Variants in GNAL observed in about 807,000 individuals in gnomAD.
GNAL encodes the protein guanine nucleotide-binding protein G(olf) subunit alpha.
A neutral mutation model predicts 55.1 loss-of-function variants in GNAL; 18 were observed. The observed-to-expected ratio is 0.33, with a 90% confidence interval of 0.23 to 0.48. The LOEUF (loss-of-function observed/expected upper bound fraction) is 0.48, where lower values mean the gene tolerates loss of function less well. Ranked by LOEUF, GNAL falls within the 20% of genes least tolerant of loss-of-function variation. The pLI, the probability that GNAL is intolerant of heterozygous loss-of-function variation, is 0.99. For missense variants in GNAL, 412 were observed against 614.1 expected (o/e 0.67, Z 3.48); for synonymous variants, 253 against 237.0 (o/e 1.07, Z -0.62).
intron 7 of GNAL, among the ~76,000 whole-genome samples, chr18:11,865,356 C>T (rs902474955): frequency 2.0e-5 from 3 of 149,570 alleles, no homozygotes; most frequent in Admixed American, 1.3e-4. Context: ...TGTCAGGACC[C>T]TTCCAGTTCT....
chr18:11,798,591 T>C lies in GNAL; in HGVS notation c.625-26327T>C, dbSNP rs182610391. On this transcript the variant is annotated intron_variant, in intron 4 of 11. Transcript: ENST00000334049. ...TTAAAAAAAGCAAATGCTGAGCCAG[T>C]TCCTCAAATATGTATGAATTATGTT... Among the ~76,000 whole-genome samples, 90 of 152,330 alleles carry C rather than the reference T, an allele frequency of 5.9e-4. 2 individuals carry two copies. In the East Asian group the frequency reaches 0.012, roughly 21 times the overall value.
intron 10 of GNAL, among the ~76,000 whole-genome samples, chr18:11,874,911 G>A (rs74613387): frequency 0.043 from 6,546 of 151,014 alleles, 462 homozygotes; most frequent in African/African-American, 0.15. Flanking sequence ...GAATCTGTGA[G>A]TAAGTGTCCT....
intron 4 of GNAL, among the ~76,000 whole-genome samples, chr18:11,779,140 G>C (rs1007131554): frequency 6.6e-6 from 1 of 152,298 alleles, no homozygotes; most frequent in East Asian, 1.9e-4. Context: ...CATTCATAGA[G>C]TGGAGAAAAA....
At chr18:11,762,523 G>A (rs779647577) in intron 4 of GNAL, among the ~76,000 whole-genome samples, 7 of 152,216 alleles carry the variant, frequency 4.6e-5, no homozygotes, top group African/African-American at 1.7e-4. Context: ...CACCCATGCA[G>A]CTGGCGTCAC....
At chr18:11,787,838 C>T (rs955816906) in intron 4 of GNAL, among the ~76,000 whole-genome samples, 1 of 149,508 alleles carries the variant, frequency 6.7e-6, no homozygotes, top group African/African-American at 2.5e-5. Context: ...TGCACCACTG[C>T]ACTCCAGCCT....
At chr18:11,831,169 A>T (rs764258257) in intron 5 of GNAL, among the ~76,000 whole-genome samples, 10 of 146,192 alleles carry the variant, frequency 6.8e-5, no homozygotes, top group Admixed American at 1.3e-4. Context: ...ATCTTGATTT[A>T]AAAAAAAAAT....
At chr18:11,862,807 A>G (rs1267930061) in intron 6 of GNAL, among the ~76,000 whole-genome samples, 1 of 151,622 alleles carries the variant, frequency 6.6e-6, no homozygotes, top group Non-Finnish European at 1.5e-5. Flanking sequence ...GGGGGGTCCC[A>G]TATCACAGTG....
intron 1 of GNAL, among the ~76,000 whole-genome samples, chr18:11,740,742 G>A (rs968620887): frequency 6.6e-6 from 1 of 152,140 alleles, no homozygotes; most frequent in African/African-American, 2.4e-5. Flanking sequence ...TCGGATTCGT[G>A]TGCAATGAGG....
At chr18:11,833,915 C>G (rs1013051974) in intron 5 of GNAL, among the ~76,000 whole-genome samples, 2 of 152,160 alleles carry the variant, frequency 1.3e-5, no homozygotes, top group African/African-American at 4.8e-5. Context: ...GGTGAGGAGC[C>G]GGAGCCCTTG....
chr18:11,712,712 C>T (rs778400220), intron 1 of GNAL, among the ~76,000 whole-genome samples: 6 of 152,186 alleles, frequency 3.9e-5, no homozygotes, highest in Non-Finnish European at 7.3e-5. Flanking sequence ...CTAGCAAGCA[C>T]GGATTCTTAG....
At chr18:11,824,265 G>T (rs1336139775) in intron 4 of GNAL, among the ~76,000 whole-genome samples, 1 of 17,426 alleles carries the variant, frequency 5.7e-5, no homozygotes, top group Non-Finnish European at 3.0e-4. Context: ...GCTGAGATGG[G>T]GGGGGGGTTC....
chr18:11,792,922 G>C (rs752833196), intron 4 of GNAL, among the ~76,000 whole-genome samples: 5 of 152,168 alleles, frequency 3.3e-5, no homozygotes, highest in African/African-American at 4.8e-5. Context: ...TTATTGAATA[G>C]TGTCATTTTC....
At chr18:11,773,793 T>C (rs915269619) in intron 4 of GNAL, among the ~76,000 whole-genome samples, 2 of 152,142 alleles carry the variant, frequency 1.3e-5, no homozygotes, top group South Asian at 2.1e-4. Context: ...AAAAGAAAAA[T>C]CTCACAATAG....
intron 5 of GNAL, among the ~76,000 whole-genome samples, chr18:11,827,607 G>A (rs545387832): frequency 1.3e-5 from 2 of 149,996 alleles, no homozygotes; most frequent in African/African-American, 2.4e-5. Context: ...AGCAAGGCTC[G>A]TCTCAAAAAA....
chr18:11,732,547 C>G (rs572327421), intron 1 of GNAL, among the ~76,000 whole-genome samples: 1 of 152,296 alleles, frequency 6.6e-6, no homozygotes, highest in South Asian at 2.1e-4. Context: ...TGTTCTCAAG[C>G]ACACGTAACT....
intron 1 of GNAL, among the ~76,000 whole-genome samples, chr18:11,746,493 C>T (rs968388619): frequency 1.3e-5 from 2 of 152,066 alleles, no homozygotes; most frequent in Non-Finnish European, 2.9e-5. Flanking sequence ...GCCTGTAGTC[C>T]CAGCTACTTG....
At chr18:11,690,004 G>T (rs890284082) in intron 1 of GNAL, 65 bp downstream of exon 1, 2 of 987,094 alleles carry the variant, frequency 2.0e-6, no homozygotes, top group Non-Finnish European at 2.6e-6. Flanking sequence ...CGGGGGCGGC[G>T]GGCACCGGGG....
chr18:11,689,670 C>CT lies in GNAL; in HGVS notation c.107_108insT (p.Ala37GlyfsTer93). The CT allele has an allele frequency of 1.4e-6, 2 of 1,441,180 alleles. No individual in the cohort carries two copies. Among genetic ancestry groups the CT allele is most frequent in the South Asian group, 1.4e-5 (1 of 72,534 alleles). The allele number at this position is 1,441,180 out of a possible 1,614,324, so 89.3% of individuals were successfully genotyped here. A position where few individuals can be genotyped will look rare whatever the true frequency, so the allele number is the denominator to read the frequency against. On this transcript the variant is annotated frameshift_variant, in exon 1 of 12. Transcript: ENST00000334049. LOFTEE classifies it high-confidence loss of function. Reference sequence around the variant, plus strand: ...GAGGACGCGCAGCCCGCCCCGGCCCCGGCCCTGGCCCCAGTCCGGGCGGCC... The same window carrying CT: ...GAGGACGCGCAGCCCGCCCCGGCCCCTGGCCCTGGCCCCAGTCCGGGCGGCC...
In GNAL at chr18:11,736,932, GA is replaced by G. The variant is rs565410838; in HGVS notation, c.377-15914del. ...CAGCTTACTTTCAAATGGTTCAGGG[GA>G]AAAAAATGTGTAAATACGAATATGA... On this transcript the variant is annotated intron_variant, in intron 1 of 11. Coordinates refer to ENST00000334049, the MANE Select transcript of GNAL (RefSeq NM_182978.4). Among the ~76,000 whole-genome samples the G allele has an allele frequency of 3.0e-4, 45 of 152,184 alleles. 1 individual carries two copies. In the East Asian group the frequency reaches 4.8e-3, roughly 16 times the overall value.
Sources: gnomAD v4.1 joint callset for allele counts (sites outside exome capture counted in the v4.1 genomes callset) on GRCh38, gnomAD v4.1.1 for gene constraint, MANE v1.5 for transcripts, NCBI Gene and HGNC (gene_info 2026-07-23, HGNC 2026-07-21) for gene names.